Variants in PCLO observed in about 807,000 individuals in gnomAD.
PCLO encodes the protein piccolo presynaptic cytomatrix protein.
Under a neutral mutation model 427.5 loss-of-function variants are expected in PCLO, and 82 were observed. That is an observed-to-expected ratio of 0.19 (90% confidence interval 0.16 to 0.23). The LOEUF (loss-of-function observed/expected upper bound fraction) is 0.23, where lower values mean the gene tolerates loss of function less well. PCLO is among the 10% of genes least tolerant of loss of function. PCLO has a pLI of 1.00. For synonymous variants in PCLO, 2,357 were observed against 2,155.4 expected (o/e 1.09, Z -2.59); for missense variants, 6,239 against 6,115.9 (o/e 1.02, Z -0.67).
intron 22 of PCLO, among the ~76,000 whole-genome samples, chr7:82,796,305 A>G (rs1435627544): frequency 6.6e-6 from 1 of 152,176 alleles, no homozygotes; most frequent in African/African-American, 2.4e-5. Flanking sequence ...GATTCACGTA[A>G]TTTAGGAAAA....
chr7:83,090,896 CT>C (rs1239692543), intron 3 of PCLO, among the ~76,000 whole-genome samples: 1 of 152,040 alleles, frequency 6.6e-6, no homozygotes, highest in Admixed American at 6.5e-5. Flanking sequence ...GGAGTACTTC[CT>C]TTTGATTAGT....
At chr7:82,920,667 A>T (rs2116293853) in intron 6 of PCLO, among the ~76,000 whole-genome samples, 1 of 151,904 alleles carries the variant, frequency 6.6e-6, no homozygotes, top group Non-Finnish European at 1.5e-5. Context: ...TAATTTATAT[A>T]ATGCAATTTA....
intron 3 of PCLO, among the ~76,000 whole-genome samples, chr7:83,030,309 CA>C (rs973415282): frequency 1.6e-4 from 25 of 152,184 alleles, no homozygotes; most frequent in African/African-American, 5.8e-4. Context: ...AAAAACTCTA[CA>C]GGGGATATCC....
At chr7:83,093,499 T>A (rs1463545053) in intron 3 of PCLO, among the ~76,000 whole-genome samples, 82 of 114,028 alleles carry the variant, frequency 7.2e-4, no homozygotes, top group African/African-American at 2.4e-3. Context: ...TATATTTTTT[T>A]TTTTTTTTTT....
intron 2 of PCLO, among the ~76,000 whole-genome samples, chr7:83,136,109 A>G (rs1791722598): frequency 2.0e-5 from 3 of 151,924 alleles, no homozygotes; most frequent in African/African-American, 7.2e-5. Flanking sequence ...AAAAAAAAAA[A>G]TTATATATAT....
intron 3 of PCLO, among the ~76,000 whole-genome samples, chr7:83,082,157 C>G (rs1790118256): frequency 6.8e-6 from 1 of 147,290 alleles, no homozygotes; most frequent in Non-Finnish European, 1.5e-5. Flanking sequence ...GTAAAATCCT[C>G]AACAATAAAA....
chr7:82,824,653 C>A (rs1791889015), intron 18 of PCLO, among the ~76,000 whole-genome samples: 1 of 149,770 alleles, frequency 6.7e-6, no homozygotes, highest in Non-Finnish European at 1.5e-5. Context: ...AAATTTTTGA[C>A]TATTAACTAA....
chr7:83,038,042 T>TATATATATATATA (rs1788860568), intron 3 of PCLO, among the ~76,000 whole-genome samples: 3 of 49,564 alleles, frequency 6.1e-5, no homozygotes, highest in African/African-American at 4.8e-4. Context: ...TATATATTTA[T>TATATATATATATA]ATATATATCT....
chr7:82,914,968 T>G lies in PCLO; in HGVS notation c.13018A>C (p.Thr4340Pro). 3.7e-6 allele frequency: 6 copies of G among 1,613,694 alleles called. No individual in the cohort carries two copies. Among genetic ancestry groups the G allele is most frequent in the Non-Finnish European group, 5.1e-6 (6 of 1,179,738 alleles). Residue 4340 changes from threonine (T) to proline (P), a missense_variant, in exon 7 of 25, where the codon ACC becomes CCC. Transcript: ENST00000333891. ...CTACTTTGACTAATTGGCAAACTGG[T>G]CGGCTTAGTTCTGGCAGAGGATGAT... ...HASSSARTKP[T>P]SLPISQSRGR...
At chr7:82,906,416 G>A (rs1041249160) in intron 8 of PCLO, among the ~76,000 whole-genome samples, 8 of 151,938 alleles carry the variant, frequency 5.3e-5, no homozygotes, top group Non-Finnish European at 8.8e-5. Flanking sequence ...ACATGAGAAT[G>A]CCATTTTGTA....
rs201692048 is a variant in PCLO at position 82,834,959 on chromosome 7, TG to T, written c.14249+707del. ...AACACCTATTATCTTTTTTTTTGTTTGTTTGTTTGTTTGTTTGTTTGTTTTT... is the reference window on the plus strand; with the variant it reads ...AACACCTATTATCTTTTTTTTTGTTTTTTGTTTGTTTGTTTGTTTGTTTTT... On this transcript the variant is annotated intron_variant, in intron 16 of 24. Transcript: ENST00000333891. 7.9e-4 allele frequency among the ~76,000 whole-genome samples: 120 copies of T among 151,150 alleles called. 1 individual carries two copies. Among genetic ancestry groups the T allele is most frequent in the African/African-American group, 2.8e-3 (115 of 41,022 alleles).
intron 3 of PCLO, among the ~76,000 whole-genome samples, chr7:83,079,469 A>C (rs951544462): frequency 6.6e-6 from 1 of 152,104 alleles, no homozygotes; most frequent in Non-Finnish European, 1.5e-5. Context: ...AAGAAGAAGA[A>C]AAGAAAAACT....
intron 3 of PCLO, among the ~76,000 whole-genome samples, chr7:82,989,438 G>T (rs1562901975): frequency 6.6e-6 from 1 of 151,802 alleles, no homozygotes; most frequent in Non-Finnish European, 1.5e-5. Context: ...ATAATCATAT[G>T]AATTGCTTCT....
Position 83,106,598 on chromosome 7 carries a change from T to C in PCLO, c.3300+27652A>G, listed in dbSNP as rs1318896867. 2.0e-5 allele frequency among the ~76,000 whole-genome samples: 3 copies of C among 152,168 alleles called. 1 individual carries two copies. The highest frequency in any genetic ancestry group is 7.2e-5 in the African/African-American group (3 of 41,454). The stretch of plus-strand genomic sequence containing the variant: ...ATGAGTTTTGTGAGAGCAGATGTCA[T>C]GCCATTCTTTTAAAAAAGATCTTGC... On this transcript the variant is annotated intron_variant, in intron 3 of 24. Transcript: ENST00000333891.
chr7:82,986,423 T>G (rs570617475), intron 3 of PCLO, among the ~76,000 whole-genome samples: 1 of 152,046 alleles, frequency 6.6e-6, no homozygotes, highest in African/African-American at 2.4e-5. Flanking sequence ...GAAAACCAAT[T>G]TGTATTCCTT....
chr7:83,078,354 T>C (rs1286479225), intron 3 of PCLO, among the ~76,000 whole-genome samples: 2 of 152,016 alleles, frequency 1.3e-5, no homozygotes, highest in African/African-American at 4.8e-5. Context: ...CAAAATAGCC[T>C]AAGTCAACCT....
intron 3 of PCLO, among the ~76,000 whole-genome samples, chr7:83,048,679 T>C (rs538975201): frequency 6.6e-6 from 1 of 152,326 alleles, no homozygotes; most frequent in South Asian, 2.1e-4. Flanking sequence ...AGAATGTATG[T>C]AAAGGTATGA....
At chr7:83,056,902 C>T (rs1171771352) in intron 3 of PCLO, among the ~76,000 whole-genome samples, 1 of 152,022 alleles carries the variant, frequency 6.6e-6, no homozygotes, top group Non-Finnish European at 1.5e-5. Context: ...CTTTTGACAG[C>T]TTTTAATTGT....
intron 3 of PCLO, among the ~76,000 whole-genome samples, chr7:83,058,270 C>A (rs540001817): frequency 7.9e-5 from 12 of 152,274 alleles, no homozygotes; most frequent in Admixed American, 7.2e-4. Context: ...AATTGAGAAT[C>A]ATTTGCTGCA....
Sources: allele counts gnomAD v4.1 joint callset (sites outside exome capture counted in the v4.1 genomes callset), GRCh38; gene constraint gnomAD v4.1.1; transcripts MANE v1.5; gene names NCBI Gene and HGNC (gene_info 2026-07-23, HGNC 2026-07-21).